Variants in NFU1 observed in about 807,000 individuals in gnomAD.
NFU1 encodes NFU1 iron-sulfur cluster scaffold homolog, mitochondrial.
Under a neutral mutation model 32.2 loss-of-function variants are expected in NFU1, and 30 were observed. The ratio of observed to expected loss-of-function variants is 0.93; its 90% CI spans 0.70 to 1.26. NFU1 has a LOEUF of 1.26. Ranked by LOEUF, NFU1 falls within the 50% of genes most tolerant of loss-of-function variation. NFU1 has a pLI of 0.00. For missense variants in NFU1, 306 were observed against 306.6 expected (o/e 1.00, Z 0.02); for synonymous variants, 112 against 104.6 (o/e 1.07, Z -0.43).
chr2:69,437,465 AAG>A (rs763275283), upstream of NFU1: 2 of 1,598,094 alleles, frequency 1.3e-6, no homozygotes, highest in Admixed American at 3.4e-5. Context: ...AGAACCACGA[AAG>A]ATCTGCGCAG....
At chr2:69,437,189 C>A (rs555675114) in intron 1 of NFU1, 172 bp downstream of exon 1, 2 of 1,398,546 alleles carry the variant, frequency 1.4e-6, no homozygotes, top group African/African-American at 2.9e-5. Context: ...AAGCGCCGAG[C>A]TCCCGCACAG....
chr2:69,425,358 A>T (rs1673417951), intron 2 of NFU1, among the ~76,000 whole-genome samples: 1 of 142,892 alleles, frequency 7.0e-6, no homozygotes, highest in Non-Finnish European at 1.5e-5. Flanking sequence ...TTTATTTTTA[A>T]TTTTTTTTTT....
chr2:69,424,198 A>AAATATATATAT (rs1558840147), intron 2 of NFU1, among the ~76,000 whole-genome samples: 6 of 74,544 alleles, frequency 8.0e-5, no homozygotes, highest in Admixed American at 2.1e-4. Flanking sequence ...AAAAAAAAAA[A>AAATATATATAT]ATATATATAT....
chr2:69,418,536 C>T (rs1673134770), intron 4 of NFU1, among the ~76,000 whole-genome samples: 1 of 152,006 alleles, frequency 6.6e-6, no homozygotes, highest in Non-Finnish European at 1.5e-5. Flanking sequence ...GCCCGATCTC[C>T]GCTCACTGCA....
At position 69,423,613 on chromosome 2, in the gene NFU1, G is replaced by C. The variant is rs1437157261; in HGVS notation, c.271C>G (p.Pro91Ala). 3.1e-6 allele frequency: 5 copies of C among 1,613,762 alleles called. No individual in the cohort carries two copies. Among genetic ancestry groups the C allele is most frequent in the South Asian group, 2.2e-5 (2 of 91,052 alleles). ...LETRTMDFPT[P>A]AAAFRSPLAR... is the part of the protein sequence containing the mutation. ...AGAGGGGAGCGAAATGCTGCAGCTG[G>C]GGTGGGAAAATCCATGGTCCTTGTC... Residue 91 changes from proline (P) to alanine (A), a missense_variant, in exon 3 of 8, where the codon CCA becomes GCA. Physicochemically the swap from Pro to Ala is conservative, Grantham distance 27. Coordinates refer to ENST00000410022, the MANE Select transcript of NFU1 (RefSeq NM_001002755.4).
At chr2:69,439,024 A>G (rs184465028), upstream of NFU1, among the ~76,000 whole-genome samples, 2 of 151,452 alleles carry the variant, frequency 1.3e-5, no homozygotes, top group South Asian at 2.1e-4. Flanking sequence ...TCAGACTTCA[A>G]TTTTTCCCTC....
chr2:69,434,542 G>A (rs1269513330), intron 1 of NFU1, among the ~76,000 whole-genome samples: 1 of 152,158 alleles, frequency 6.6e-6, no homozygotes, highest in Non-Finnish European at 1.5e-5. Flanking sequence ...AATATTACTG[G>A]AAAAGGAAGT....
At chr2:69,426,419 G>A (rs1420519927) in intron 2 of NFU1, among the ~76,000 whole-genome samples, 13 of 151,972 alleles carry the variant, frequency 8.6e-5, no homozygotes, top group Admixed American at 7.9e-4. Context: ...CTGAGTAGCT[G>A]AGATTACCAG....
At chr2:69,433,141 C>T (rs1290896907) in intron 1 of NFU1, among the ~76,000 whole-genome samples, 1 of 128,434 alleles carries the variant, frequency 7.8e-6, no homozygotes, top group African/African-American at 2.9e-5. Flanking sequence ...AAGAGCAAGA[C>T]TCCATCTCCA....
At chr2:69,422,764 A>G (rs972106842) in intron 3 of NFU1, among the ~76,000 whole-genome samples, 2 of 151,742 alleles carry the variant, frequency 1.3e-5, no homozygotes, top group African/African-American at 2.4e-5. Flanking sequence ...CTGGAATGCA[A>G]TGGCACAATC....
At chr2:69,412,173 C>A (rs899985739) in intron 5 of NFU1, among the ~76,000 whole-genome samples, 1 of 151,130 alleles carries the variant, frequency 6.6e-6, no homozygotes, top group African/African-American at 2.4e-5. Context: ...GCCTCAGCCT[C>A]CCAAGTAGCT....
intron 1 of NFU1, among the ~76,000 whole-genome samples, 180 bp from the exon 2 acceptor site, chr2:69,432,185 A>G (rs1673661063): frequency 1.3e-5 from 2 of 152,256 alleles, no homozygotes; most frequent in African/African-American, 4.8e-5. Flanking sequence ...TAGGCAAGCA[A>G]TATCTACAAA....
intron 2 of NFU1, 72 bp downstream of exon 2, chr2:69,431,830 T>G (rs774853495): frequency 2.1e-6 from 2 of 939,682 alleles, no homozygotes; most frequent in African/African-American, 1.6e-5. Flanking sequence ...TCATCTTTTA[T>G]GATCCACAAA....
chr2:69,435,888 G>A (rs1260320160), intron 1 of NFU1, among the ~76,000 whole-genome samples: 1 of 150,928 alleles, frequency 6.6e-6, no homozygotes, highest in Non-Finnish European at 1.5e-5. Flanking sequence ...AACTCGCTGG[G>A]ATTACAGGCA....
chr2:69,431,149 T>A (rs1052165011), intron 2 of NFU1, among the ~76,000 whole-genome samples: 1 of 152,158 alleles, frequency 6.6e-6, no homozygotes, highest in Non-Finnish European at 1.5e-5. Flanking sequence ...AAAAAGCTTT[T>A]CTTTCTTTTT....
downstream of NFU1, chr2:69,396,089 A>G (rs1235817741): frequency 1.6e-6 from 1 of 616,772 alleles, no homozygotes; most frequent in Admixed American, 3.0e-5. Context: ...GGTTATAAAT[A>G]ACTCATATGA....
intron 5 of NFU1, among the ~76,000 whole-genome samples, chr2:69,414,637 A>C (rs987961444): frequency 6.6e-6 from 1 of 151,496 alleles, no homozygotes; most frequent in Non-Finnish European, 1.5e-5. Flanking sequence ...AAAAAAAAAA[A>C]AAAAACAGAG....
intron 6 of NFU1, 27 bp from the exon 7 acceptor site, chr2:69,400,565 A>G (rs779682260): frequency 6.2e-7 from 1 of 1,602,156 alleles, no homozygotes; most frequent in Non-Finnish European, 8.5e-7. Context: ...TATTTATGAC[A>G]TATTCTTTAA....
Position 69,437,368 on chromosome 2 carries a change from G to T in NFU1, c.55C>A (p.Arg19Ser). The change falls in exon 1 of 8, where the codon CGC becomes AGC. Residue 19 changes from arginine (R) to serine (S), a missense_variant. Arg to Ser is a moderately radical substitution (Grantham distance 110). Transcript: ENST00000410022. ...TCCAGGCTCGTCACCTACCGCCTGC[G>T]CAGCCCGGCGGCAACAGCCGCAGCT... ...WGAAAVAAGL[R>S]RRFCHMLKNP... is the part of the protein sequence containing the mutation. The T allele has an allele frequency of 6.2e-7, 1 of 1,607,612 alleles. No individual in the cohort carries two copies. Among genetic ancestry groups the T allele is most frequent in the Non-Finnish European group, 8.5e-7 (1 of 1,178,618 alleles).
Sources: gnomAD v4.1 joint callset for allele counts (sites outside exome capture counted in the v4.1 genomes callset) on GRCh38, gnomAD v4.1.1 for gene constraint, MANE v1.5 for transcripts, NCBI Gene and HGNC (gene_info 2026-07-23, HGNC 2026-07-21) for gene names.